Variants in MYCBP2 observed in about 807,000 individuals in gnomAD.
MYCBP2 encodes the protein E3 ubiquitin-protein ligase MYCBP2.
In MYCBP2, 120 loss-of-function variants were observed where a neutral mutation model predicts 525.3. The ratio of observed to expected loss-of-function variants is 0.23; its 90% CI spans 0.20 to 0.27. The LOEUF (loss-of-function observed/expected upper bound fraction) is 0.27, where lower values mean the gene tolerates loss of function less well. Among genes scored for constraint, MYCBP2 ranks in the 10% least tolerant of loss-of-function variants. The pLI is 1.00. For missense variants in MYCBP2, 4,149 were observed against 5,657.1 expected, an observed-to-expected ratio of 0.73 and a Z score of 8.55; for synonymous variants, 1,894 against 1,955.8, an observed-to-expected ratio of 0.97 and a Z score of 0.83.
intron 1 of MYCBP2, among the ~76,000 whole-genome samples, chr13:77,304,766 T>C (rs1225287411): frequency 6.6e-6 from 1 of 151,998 alleles, no homozygotes; most frequent in Non-Finnish European, 1.5e-5. Context: ...ATATAGCAAA[T>C]ATTTTAAAAT....
intron 3 of MYCBP2, among the ~76,000 whole-genome samples, chr13:77,284,829 C>T (rs2076568317): frequency 6.6e-6 from 1 of 152,146 alleles, no homozygotes; most frequent in African/African-American, 2.4e-5. Context: ...TCACTACAAC[C>T]CTATGAGGTA....
chr13:77,297,407 T>C (rs929159018), intron 1 of MYCBP2, among the ~76,000 whole-genome samples: 1 of 152,144 alleles, frequency 6.6e-6, no homozygotes. Flanking sequence ...GAAAGCACAG[T>C]TTAGTGATCT....
intron 38 of MYCBP2, among the ~76,000 whole-genome samples, chr13:77,170,036 C>T (rs1387079427): frequency 1.3e-5 from 2 of 152,128 alleles, no homozygotes; most frequent in Non-Finnish European, 2.9e-5. Context: ...GGAATCAGAA[C>T]CTAGGGTAAT....
chr13:77,158,041 T>C lies in MYCBP2; in HGVS notation c.6666A>G (p.Glu2222=), dbSNP rs1301953461. ...LALSHSPTIL[E]ALEGNLPLQI... ...GGAGTGGTAAATTTCCCTCAAGTGC[T>C]TCTAATATAGTTGGTGAATGAGAAA... Residue 2222 remains glutamate (E), a synonymous_variant, in exon 45 of 83, where the codon GAA becomes GAG. Coordinates refer to ENST00000544440, the MANE Select transcript of MYCBP2 (RefSeq NM_015057.5). 6.2e-7 allele frequency: 1 copy of C among 1,613,558 alleles called. No homozygotes were observed. The highest frequency in any genetic ancestry group is 8.5e-7 in the Non-Finnish European group (1 of 1,179,660).
intron 8 of MYCBP2, among the ~76,000 whole-genome samples, chr13:77,265,243 C>A (rs1051829648): frequency 1.3e-5 from 2 of 152,034 alleles, no homozygotes; most frequent in African/African-American, 4.8e-5. Flanking sequence ...AGTTCCTAGT[C>A]CACTGTACAG....
At chr13:77,157,104 TGA>T (rs2057300235) in intron 45 of MYCBP2, among the ~76,000 whole-genome samples, 1 of 152,194 alleles carries the variant, frequency 6.6e-6, no homozygotes, top group Non-Finnish European at 1.5e-5. Context: ...AATTTTTTTT[TGA>T]GATAGGGTCT....
At chr13:77,077,597 G>T in intron 66 of MYCBP2, 2 of 540,720 alleles carry the variant, frequency 3.7e-6, no homozygotes, top group East Asian at 3.2e-5. Context: ...AAGAAACTAA[G>T]GTTAATACAG....
chr13:77,195,193 T>A (rs370270066), intron 26 of MYCBP2, among the ~76,000 whole-genome samples: 2 of 152,178 alleles, frequency 1.3e-5, no homozygotes, highest in East Asian at 3.9e-4. Context: ...CCAGCTCAGC[T>A]CTTATTCTCA....
chr13:77,095,734 T>TA (rs1157352302), intron 57 of MYCBP2, 132 bp from the exon 58 acceptor site: 6 of 1,139,328 alleles, frequency 5.3e-6, no homozygotes, highest in Non-Finnish European at 7.3e-6. Context: ...AATAAGATTA[T>TA]AAAAAACAAC....
rs1444453535 is a variant in MYCBP2, at chr13:77,248,801, C to T, written c.2381+2350G>A. ...GAACTGAAAACAGGGTCTCAAAGAG[C>T]TCCTTGTACACTCATCTTCACAGCG... On this transcript the variant is annotated intron_variant, in intron 15 of 82. Coordinates refer to ENST00000544440, the MANE Select transcript of MYCBP2 (RefSeq NM_015057.5). Among the ~76,000 whole-genome samples the T allele has an allele frequency of 3.9e-5, 6 of 152,200 alleles. No homozygotes were observed. The East Asian group carries it at 9.6e-4, about 24-fold the overall frequency.
chr13:77,148,933 T>C (rs1162954259), intron 47 of MYCBP2, among the ~76,000 whole-genome samples: 2 of 152,134 alleles, frequency 1.3e-5, no homozygotes, highest in Admixed American at 6.5e-5. Context: ...TCTGGTAGAA[T>C]GAAACAAGCA....
Position 77,176,555 on chromosome 13 carries a change from G to A in MYCBP2, c.5414C>T (p.Thr1805Met), listed in dbSNP as rs780439086. 8.1e-6 allele frequency: 13 copies of A among 1,600,510 alleles called. No individual in the cohort carries two copies. The highest frequency in any genetic ancestry group is 1.3e-5 in the African/African-American group (1 of 74,614). Residue 1805 changes from threonine (T) to methionine (M), a missense_variant, in exon 36 of 83, where the codon ACG becomes ATG. Physicochemically the swap from Thr to Met is moderately conservative, Grantham distance 81. Around this residue, in one of 21 missense-constraint regions of MYCBP2, gnomAD observed 109 missense variants for 118.9 expected, o/e 0.92. Transcript: ENST00000544440. ...SLELVKGTYT[T>M]DDSPSDIAEI... ...AGCTATATCACTGGGTGAGTCATCC[G>A]TTGTGTACGTTCCTTTCACTAATTC...
At chr13:77,112,515 T>G (rs967825503) in intron 55 of MYCBP2, among the ~76,000 whole-genome samples, 1 of 151,668 alleles carries the variant, frequency 6.6e-6, no homozygotes, top group African/African-American at 2.4e-5. Flanking sequence ...AGCCTCGAAC[T>G]CCTGGGCTTA....
At chr13:77,093,400 T>G in intron 58 of MYCBP2, 68 bp from the exon 59 acceptor site, 8 of 1,365,728 alleles carry the variant, frequency 5.9e-6, no homozygotes, top group South Asian at 1.4e-5. Context: ...TTTTAATCTC[T>G]TTCATAACAG....
rs541619190 is a variant in MYCBP2, at chr13:77,217,547, AC to A, written c.3057+292del. Among the ~76,000 whole-genome samples, 6 of 152,334 alleles carry A rather than the reference AC, an allele frequency of 3.9e-5. No homozygotes were observed. The South Asian group carries it at 1.2e-3, about 32-fold the overall frequency. ...TAGATGAGAAATAACCTTTCCTATG[AC>A]AGAATTAGCTCTATTGAATGCTTAA... On this transcript the variant is annotated intron_variant, in intron 21 of 82. Coordinates refer to ENST00000544440, the MANE Select transcript of MYCBP2 (RefSeq NM_015057.5).
In MYCBP2 at chr13:77,161,401, A is replaced by C. The variant is rs147130447; in HGVS notation, c.6597+505T>G. ...AAAAAAGGTAAAGCAAACAATAATA[A>C]AAACAACAAATGATGGCTCCCAATT... On this transcript the variant is annotated intron_variant, in intron 44 of 82. Coordinates refer to ENST00000544440, the MANE Select transcript of MYCBP2 (RefSeq NM_015057.5). Among the ~76,000 whole-genome samples the C allele has an allele frequency of 8.3e-4, 127 of 152,286 alleles. 1 individual carries two copies. Among genetic ancestry groups the C allele is most frequent in the Admixed American group, 2.0e-3 (31 of 15,304 alleles).
At chr13:77,107,573 CA>C (rs931235066) in intron 55 of MYCBP2, among the ~76,000 whole-genome samples, 1 of 151,666 alleles carries the variant, frequency 6.6e-6, no homozygotes, top group African/African-American at 2.4e-5. Flanking sequence ...CCCATTTCCA[CA>C]AAAAAATACA....
intron 17 of MYCBP2, among the ~76,000 whole-genome samples, chr13:77,242,299 A>T (rs2154315613): frequency 6.6e-6 from 1 of 152,244 alleles, no homozygotes; most frequent in African/African-American, 2.4e-5. Flanking sequence ...TACTTTTAGT[A>T]GTGATGGGGT....
At chr13:77,095,224 T>C in intron 58 of MYCBP2, 134 bp downstream of exon 58, 4 of 1,089,898 alleles carry the variant, frequency 3.7e-6, no homozygotes, top group Non-Finnish European at 5.1e-6. Context: ...ACTCAAAAAA[T>C]AAATGCCTGG....
Sources: gnomAD v4.1 joint callset for allele counts (sites outside exome capture counted in the v4.1 genomes callset) on GRCh38, gnomAD v4.1.1 for gene constraint, gnomAD v4.1.1 regional missense constraint, MANE v1.5 for transcripts, NCBI Gene and HGNC (gene_info 2026-07-23, HGNC 2026-07-21) for gene names.